Variants in TMEM108 observed in about 807,000 individuals in gnomAD.
TMEM108 encodes the protein cancer/testis antigen 124.
Under a neutral mutation model 35.1 loss-of-function variants are expected in TMEM108, and 12 were observed. The ratio of observed to expected loss-of-function variants is 0.34; its 90% CI spans 0.22 to 0.55. The LOEUF is 0.55. Among genes scored for constraint, TMEM108 ranks in the 20% least tolerant of loss-of-function variants. TMEM108 has a pLI of 0.89. For missense variants in TMEM108, 680 were observed against 753.3 expected, an observed-to-expected ratio of 0.90 and a Z score of 1.14; for synonymous variants, 287 against 308.6, an observed-to-expected ratio of 0.93 and a Z score of 0.73.
At chr3:133,365,070 AC>A (rs2072465659) in intron 3 of TMEM108, among the ~76,000 whole-genome samples, 1 of 152,224 alleles carries the variant, frequency 6.6e-6, no homozygotes, top group Admixed American at 6.5e-5. Context: ...AAGGCGTGTA[AC>A]CTTGAGCAAG....
Position 133,155,700 on chromosome 3 carries a change from T to G in TMEM108, c.-46-73566T>G, listed in dbSNP as rs150617710. ...TATCCTTTGCCTGCTTTTCAATGGG[T>G]TTGTTTTTTGCTTGTACATTTGTTT... On this transcript the variant is annotated intron_variant, in intron 2 of 5. Transcript: ENST00000321871. 5.0e-3 allele frequency among the ~76,000 whole-genome samples: 754 copies of G among 152,180 alleles called. 7 individuals are homozygous for G. Among genetic ancestry groups the G allele is most frequent in the African/African-American group, 0.017 (702 of 41,540 alleles).
intron 2 of TMEM108, among the ~76,000 whole-genome samples, chr3:133,114,854 C>G (rs1245220634): frequency 6.6e-6 from 1 of 152,004 alleles, no homozygotes; most frequent in South Asian, 2.1e-4. Flanking sequence ...ATGTATTACT[C>G]GAGATGCAAG....
intron 2 of TMEM108, among the ~76,000 whole-genome samples, chr3:133,079,366 G>C (rs527906818): frequency 6.6e-6 from 1 of 152,294 alleles, no homozygotes; most frequent in South Asian, 2.1e-4. Flanking sequence ...TAGTCCGTTT[G>C]GGTTGCTATA....
chr3:133,110,265 C>T (rs1944209476), intron 2 of TMEM108, among the ~76,000 whole-genome samples: 1 of 152,106 alleles, frequency 6.6e-6, no homozygotes, highest in Non-Finnish European at 1.5e-5. Context: ...AAGAGAAGGT[C>T]ACCAGGTACA....
chr3:133,236,716 C>T (rs910258710), intron 3 of TMEM108, among the ~76,000 whole-genome samples: 2 of 152,102 alleles, frequency 1.3e-5, no homozygotes, highest in African/African-American at 4.8e-5. Flanking sequence ...AGTGACTATT[C>T]TTTCTTCCAG....
rs79659219 is a variant in TMEM108 at position 133,047,128 on chromosome 3, G to A, written c.-47+1108G>A. Among the ~76,000 whole-genome samples, 335 of 152,290 alleles carry A rather than the reference G, an allele frequency of 2.2e-3. 2 individuals carry two copies. Among genetic ancestry groups the A allele is most frequent in the African/African-American group, 7.8e-3 (325 of 41,570 alleles). ...TTGGAGATAAAGCAAAGAAAGGGCA[G>A]CTGCAAAGTACGTCAGCAGAAGAGT... On this transcript the variant is annotated intron_variant, in intron 2 of 5. Coordinates refer to ENST00000321871, the MANE Select transcript of TMEM108 (RefSeq NM_023943.4).
At chr3:133,361,344 A>C (rs2072343306) in intron 3 of TMEM108, among the ~76,000 whole-genome samples, 1 of 152,238 alleles carries the variant, frequency 6.6e-6, no homozygotes, top group African/African-American at 2.4e-5. Flanking sequence ...AGTTTTAGGC[A>C]AATTACTTAA....
intron 3 of TMEM108, among the ~76,000 whole-genome samples, chr3:133,243,125 G>T (rs932962406): frequency 6.6e-6 from 1 of 152,144 alleles, no homozygotes; most frequent in Non-Finnish European, 1.5e-5. Flanking sequence ...AGAGTGGGCC[G>T]CTTGAGAAGG....
At position 133,189,608 on chromosome 3, in the gene TMEM108, G is replaced by C. The variant is rs184530796; in HGVS notation, c.-46-39658G>C. Reference sequence around the variant, plus strand: ...TCAGCTTGAATAATAATGGAACAAAGTATCACCAAGATGTCTAGTTAACAG... The same window carrying C: ...TCAGCTTGAATAATAATGGAACAAACTATCACCAAGATGTCTAGTTAACAG... On this transcript the variant is annotated intron_variant, in intron 2 of 5. Coordinates refer to ENST00000321871, the MANE Select transcript of TMEM108 (RefSeq NM_023943.4). Among the ~76,000 whole-genome samples, 316 of 152,252 alleles carry C rather than the reference G, an allele frequency of 2.1e-3. 2 individuals carry two copies. The highest frequency in any genetic ancestry group is 3.1e-3 in the Non-Finnish European group (210 of 68,020).
intron 2 of TMEM108, among the ~76,000 whole-genome samples, chr3:133,196,919 C>T (rs1945586697): frequency 1.3e-5 from 2 of 152,170 alleles, no homozygotes; most frequent in African/African-American, 4.8e-5. Flanking sequence ...AGAATTGTGT[C>T]CCTGCTACCA....
At chr3:133,358,698 T>C (rs753388781) in intron 3 of TMEM108, among the ~76,000 whole-genome samples, 1 of 152,140 alleles carries the variant, frequency 6.6e-6, no homozygotes, top group African/African-American at 2.4e-5. Context: ...TTTTATTTTC[T>C]CCAGCCTCTG....
At chr3:133,243,733 C>T (rs1364233561) in intron 3 of TMEM108, among the ~76,000 whole-genome samples, 1 of 152,074 alleles carries the variant, frequency 6.6e-6, no homozygotes, top group Non-Finnish European at 1.5e-5. Context: ...CTGTGTTAGC[C>T]AGGATGGTCT....
intron 3 of TMEM108, among the ~76,000 whole-genome samples, chr3:133,260,028 T>C (rs1199698693): frequency 2.6e-5 from 4 of 152,224 alleles, no homozygotes; most frequent in East Asian, 3.8e-4. Context: ...TTAGTGAGGC[T>C]CCTGCCAGAT....
chr3:133,338,548 T>C (rs1218628910), intron 3 of TMEM108, among the ~76,000 whole-genome samples: 1 of 152,054 alleles, frequency 6.6e-6, no homozygotes, highest in Non-Finnish European at 1.5e-5. Context: ...CTACAAGAAA[T>C]GCTAAATACA....
intron 2 of TMEM108, among the ~76,000 whole-genome samples, chr3:133,199,964 T>C (rs1469649573): frequency 6.6e-6 from 1 of 152,144 alleles, no homozygotes; most frequent in Non-Finnish European, 1.5e-5. Flanking sequence ...GCCTCAGCAA[T>C]GGCAGGCACC....
chr3:133,140,659 G>T (rs945949166), intron 2 of TMEM108, among the ~76,000 whole-genome samples: 1 of 152,050 alleles, frequency 6.6e-6, no homozygotes, highest in African/African-American at 2.4e-5. Context: ...GTACCAAATT[G>T]GTTGCCGTGA....
At chr3:133,240,054 G>A (rs932289933) in intron 3 of TMEM108, among the ~76,000 whole-genome samples, 5 of 152,180 alleles carry the variant, frequency 3.3e-5, no homozygotes, top group Non-Finnish European at 2.9e-5. Flanking sequence ...AGTAACTCTT[G>A]GTCTTGACTG....
chr3:133,396,675 C>G lies in TMEM108; in HGVS notation c.*689C>G, dbSNP rs1211809987. ...ACTGCTAACAACAGGACTGCCTTTC[C>G]CTGGTGGGAAAATGCTCCCTTTATG... is the stretch of plus-strand genomic sequence containing the variant. On this transcript the variant is annotated 3_prime_UTR_variant, in exon 6 of 6. Coordinates refer to ENST00000321871, the MANE Select transcript of TMEM108 (RefSeq NM_023943.4). The G allele has an allele frequency of 6.6e-6, 1 of 152,188 alleles. No homozygotes were observed. Among genetic ancestry groups the G allele is most frequent in the Admixed American group, 6.5e-5 (1 of 15,276 alleles). 9.4% of individuals were successfully genotyped at this position (152,188 alleles called of 1,614,324 possible).
chr3:133,320,800 A>G (rs944429562), intron 3 of TMEM108, among the ~76,000 whole-genome samples: 5 of 152,210 alleles, frequency 3.3e-5, no homozygotes, highest in East Asian at 3.8e-4. Context: ...AGGAAAACCT[A>G]TTAGATTAAC....
Sources: gnomAD v4.1 joint callset for allele counts (sites outside exome capture counted in the v4.1 genomes callset) on GRCh38, gnomAD v4.1.1 for gene constraint, MANE v1.5 for transcripts, NCBI Gene and HGNC (gene_info 2026-07-23, HGNC 2026-07-21) for gene names.